LINS1: variants seen among roughly 807,000 people sequenced by gnomAD.
LINS1 encodes lines homolog 1.
LINS1 carries 27 observed loss-of-function variants against 41.6 expected under a neutral mutation model. The ratio of observed to expected loss-of-function variants is 0.65; its 90% CI spans 0.48 to 0.89. The LOEUF is 0.89. Among genes scored for constraint, LINS1 ranks in the 40% least tolerant of loss-of-function variants. LINS1 has a pLI of 0.00. For synonymous variants in LINS1, 336 were observed against 312.9 expected (o/e 1.07, Z -0.78); for missense variants, 955 against 884.1 (o/e 1.08, Z -1.02).
chr15:100,590,949 C>T (rs994697434), intron 1 of LINS1, among the ~76,000 whole-genome samples: 9 of 152,056 alleles, frequency 5.9e-5, no homozygotes, highest in Admixed American at 1.3e-4. Context: ...GAGGCCGAGG[C>T]GGGCAGATCA....
chr15:100,599,704 A>G (rs1464035516), intron 1 of LINS1, among the ~76,000 whole-genome samples: 2 of 152,078 alleles, frequency 1.3e-5, no homozygotes, highest in East Asian at 3.9e-4. Flanking sequence ...GGAGTTCAAA[A>G]CTTCTTGACT....
At chr15:100,591,372 C>T (rs1370551411) in intron 1 of LINS1, among the ~76,000 whole-genome samples, 1 of 152,024 alleles carries the variant, frequency 6.6e-6, no homozygotes, top group Non-Finnish European at 1.5e-5. Context: ...ACCAGAAACC[C>T]AAAATGAAGG....
chr15:100,582,657 C>T (rs2038608779), intron 1 of LINS1, among the ~76,000 whole-genome samples: 2 of 147,398 alleles, frequency 1.4e-5, no homozygotes, highest in South Asian at 4.4e-4. Context: ...TACACTATGG[C>T]CCACTAGCCT....
intron 1 of LINS1, among the ~76,000 whole-genome samples, chr15:100,597,281 T>A (rs953020158): frequency 3.3e-5 from 5 of 151,548 alleles, no homozygotes; most frequent in Non-Finnish European, 5.9e-5. Flanking sequence ...TTTTTTTTTT[T>A]AAACATAGCA....
chr15:100,594,415 C>T (rs11854397), intron 1 of LINS1, among the ~76,000 whole-genome samples: 127,784 of 151,996 alleles, frequency 0.84, 54,573 homozygotes, highest in Non-Finnish European at 0.91. Flanking sequence ...ATGTTGTTGG[C>T]AGTGCTGCTG....
intron 1 of LINS1, among the ~76,000 whole-genome samples, chr15:100,581,408 G>A (rs868863409): frequency 6.6e-6 from 1 of 152,254 alleles, no homozygotes. Flanking sequence ...TCCCCTGGGG[G>A]ACAAAATCAC....
intron 1 of LINS1, among the ~76,000 whole-genome samples, chr15:100,584,707 T>C (rs2038720317): frequency 6.6e-6 from 1 of 152,166 alleles, no homozygotes; most frequent in South Asian, 2.1e-4. Flanking sequence ...CAACTCTGCA[T>C]AGACCATGAC....
At chr15:100,600,953 T>A (rs1369315237) in intron 1 of LINS1, among the ~76,000 whole-genome samples, 1 of 152,186 alleles carries the variant, frequency 6.6e-6, no homozygotes, top group Non-Finnish European at 1.5e-5. Flanking sequence ...CGTCTTCTCA[T>A]CTCTATGCCC....
chr15:100,598,006 C>T (rs79648270), intron 1 of LINS1, among the ~76,000 whole-genome samples: 2,256 of 152,298 alleles, frequency 0.015, 62 homozygotes, highest in African/African-American at 0.051. Context: ...AGGTTCCTTC[C>T]AGCCTCTGGG....
At chr15:100,583,323 C>T (rs2038654885) in intron 1 of LINS1, among the ~76,000 whole-genome samples, 1 of 152,268 alleles carries the variant, frequency 6.6e-6, no homozygotes, top group Non-Finnish European at 1.5e-5. Flanking sequence ...TGGCTGGCTT[C>T]TTCCCCTGAT....
In LINS1 at chr15:100,569,418, G is replaced by A; in HGVS notation, c.2094C>T (p.Ala698=). 2 of 1,614,062 alleles carry A rather than the reference G, an allele frequency of 1.2e-6. No individual in the cohort carries two copies. The highest frequency in any genetic ancestry group is 8.5e-7 in the Non-Finnish European group (1 of 1,180,000). Residue 698 remains alanine, a synonymous_variant, in exon 7 of 7, where the codon GCC becomes GCT. Coordinates refer to ENST00000314742, the MANE Select transcript of LINS1 (RefSeq NM_001040616.3). ...CCACTTCAGAGACGACATCATTTGG[G>A]GCTACTTCACAATCAAAGGAGAAGG... ...DTAFSFDCEV[A]PNDVVSEVGI... is the part of the protein sequence containing the mutation.
chr15:100,586,586 C>T (rs1268561976), intron 1 of LINS1, among the ~76,000 whole-genome samples: 2 of 152,158 alleles, frequency 1.3e-5, no homozygotes, highest in South Asian at 4.1e-4. Context: ...TTCTAGTTAA[C>T]ACATAATTCT....
At chr15:100,591,537 A>G (rs2039037079) in intron 1 of LINS1, among the ~76,000 whole-genome samples, 1 of 152,236 alleles carries the variant, frequency 6.6e-6, no homozygotes, top group South Asian at 2.1e-4. Context: ...AAACCAAACC[A>G]AACCAAAATG....
chr15:100,571,372 G>T (rs1212776382), intron 6 of LINS1, among the ~76,000 whole-genome samples: 1 of 152,194 alleles, frequency 6.6e-6, no homozygotes, highest in African/African-American at 2.4e-5. Flanking sequence ...CCCAAGTACA[G>T]CTATTTTAAT....
chr15:100,569,499 T>C lies in LINS1; in HGVS notation c.2013A>G (p.Lys671=), dbSNP rs571835507. The C allele has an allele frequency of 6.2e-7, 1 of 1,614,054 alleles. No individual in the cohort carries two copies. The highest frequency in any genetic ancestry group is 2.2e-5 in the East Asian group (1 of 44,886). The change falls in exon 7 of 7, where the codon AAA becomes AAG. Residue 671 remains lysine (K), a synonymous_variant. Coordinates refer to ENST00000314742, the MANE Select transcript of LINS1 (RefSeq NM_001040616.3). ...TTGATGGAGGCTCAAGGCTAAATTC[T>C]TTTTTATCCCTGCTTGTCCCAGCTG... ...QDAAGTSRDK[K]EFSLEPPSRP...
chr15:100,571,386 GCAGAGA>G (rs562897502), intron 6 of LINS1, among the ~76,000 whole-genome samples: 42 of 152,294 alleles, frequency 2.8e-4, no homozygotes, highest in African/African-American at 9.9e-4. Context: ...TTTTAATAAA[GCAGAGA>G]CAATCAGTAT....
intron 1 of LINS1, among the ~76,000 whole-genome samples, chr15:100,591,686 C>T (rs111732743): frequency 0.029 from 4,369 of 152,208 alleles, 105 homozygotes; most frequent in Non-Finnish European, 0.042. Context: ...AATCTTTTAA[C>T]CAAATTCATT....
chr15:100,595,926 T>C (rs2039224082), intron 1 of LINS1, among the ~76,000 whole-genome samples: 1 of 152,228 alleles, frequency 6.6e-6, no homozygotes, highest in Non-Finnish European at 1.5e-5. Context: ...AACTGCACTT[T>C]TCACAGAAAA....
At chr15:100,584,723 C>T (rs927960288) in intron 1 of LINS1, among the ~76,000 whole-genome samples, 3 of 152,158 alleles carry the variant, frequency 2.0e-5, no homozygotes, top group East Asian at 1.9e-4. Flanking sequence ...ATGACCTGGG[C>T]GTCCTCCAAT....
Sources: allele counts gnomAD v4.1 joint callset (sites outside exome capture counted in the v4.1 genomes callset), GRCh38; gene constraint gnomAD v4.1.1; transcripts MANE v1.5; gene names NCBI Gene and HGNC (gene_info 2026-07-23, HGNC 2026-07-21).